The following DBI variants were observed in gnomAD, a reference collection of about 807,000 sequenced individuals.
The protein encoded by DBI is diazepam binding inhibitor, acyl-CoA binding protein.
A neutral mutation model predicts 13.0 loss-of-function variants in DBI; 12 were observed. The ratio of observed to expected loss-of-function variants is 0.92; its 90% CI spans 0.59 to 1.49. The LOEUF (loss-of-function observed/expected upper bound fraction) is 1.49. Among genes scored for constraint, DBI ranks in the 40% most tolerant of loss-of-function variants. The pLI is 0.00. For missense variants in DBI, 95 were observed against 104.8 expected (o/e 0.91, Z 0.41); for synonymous variants, 37 against 37.4 (o/e 0.99, Z 0.04).
Position 119,368,284 on chromosome 2 carries a change from A to G in DBI, c.106A>G (p.Thr36Ala), listed in dbSNP as rs1332665108. The G allele has an allele frequency of 1.9e-6, 3 of 1,613,868 alleles. No homozygotes were observed. The highest frequency in any genetic ancestry group is 2.5e-6 in the Non-Finnish European group (3 of 1,179,746). ...LFIYGHYKQA[T>A]VGDINTERPG... The stretch of plus-strand genomic sequence containing the variant: ...CATCTATGGCCACTACAAACAAGCA[A>G]CTGTGGGCGACATAAATACAGGTAT... The change falls in exon 2 of 4, where the codon ACT (threonine) becomes GCT (alanine). Residue 36 changes from threonine to alanine, a missense_variant. By Grantham distance (58) the Thr-to-Ala change is moderately conservative. Transcript: ENST00000355857.
chr2:119,367,499 G>T, intron 1 of DBI: 1 of 1,600,050 alleles, frequency 6.2e-7, no homozygotes, highest in Non-Finnish European at 8.6e-7. Context: ...CTCAGAGTGC[G>T]GGACGAGGAG....
chr2:119,369,254 G>A (rs1467040198), intron 2 of DBI, among the ~76,000 whole-genome samples: 1 of 152,218 alleles, frequency 6.6e-6, no homozygotes, highest in Admixed American at 6.5e-5. Flanking sequence ...GGCCAGAGGT[G>A]CCAAGATGCT....
chr2:119,367,812 G>A, intron 1 of DBI: 3 of 1,612,396 alleles, frequency 1.9e-6, no homozygotes, highest in Admixed American at 1.7e-5. Context: ...CCTAGTGCCT[G>A]GCCCGGTGGT....
At chr2:119,368,334 C>G in intron 2 of DBI, 29 bp downstream of exon 2, 1 of 1,546,334 alleles carries the variant, frequency 6.5e-7, no homozygotes, top group Non-Finnish European at 8.9e-7. Context: ...GGAAGGGCAT[C>G]TGCTCATCAA....
chr2:119,369,367 C>G (rs1681348296), intron 2 of DBI, among the ~76,000 whole-genome samples: 1 of 152,218 alleles, frequency 6.6e-6, no homozygotes. Flanking sequence ...CTATCACTTA[C>G]TGATCAAAGA....
At chr2:119,369,700 C>T (rs12466117) in intron 2 of DBI, among the ~76,000 whole-genome samples, 32,089 of 151,974 alleles carry the variant, frequency 0.21, 3,652 homozygotes, top group Middle Eastern at 0.27. Flanking sequence ...GCAGGAGAAT[C>T]GCTTGAACCT....
At chr2:119,370,669 G>A (rs1681445190) in intron 2 of DBI, 71 bp from the exon 3 acceptor site, 1 of 1,418,910 alleles carries the variant, frequency 7.0e-7, no homozygotes, top group Admixed American at 1.8e-5. Context: ...TGGCATTTAT[G>A]GCAAGAAGGT....
At chr2:119,367,715 C>T in intron 1 of DBI, 1 of 1,610,774 alleles carries the variant, frequency 6.2e-7, no homozygotes. Context: ...CACCGCGGCA[C>T]TCATGCCCTG....
At chr2:119,368,049 C>G in intron 1 of DBI, 139 bp from the exon 2 acceptor site, 3 of 1,529,102 alleles carry the variant, frequency 2.0e-6, no homozygotes, top group Non-Finnish European at 9.1e-7. Context: ...AGACACACTT[C>G]AGGGGCTGCA....
intron 1 of DBI, 110 bp from the exon 2 acceptor site, chr2:119,368,078 C>G: frequency 6.7e-7 from 1 of 1,488,042 alleles, no homozygotes; most frequent in Non-Finnish European, 9.4e-7. Flanking sequence ...AGGGTGCCAC[C>G]TTTCCCACCT....
In DBI at chr2:119,372,271, G is replaced by GT. The variant is rs1681572205; in HGVS notation, c.217_218insT (p.Ala73ValfsTer31). The GT allele has an allele frequency of 6.2e-7, 1 of 1,613,600 alleles. No individual in the cohort carries two copies. Among genetic ancestry groups the GT allele is most frequent in the African/African-American group, 1.3e-5 (1 of 74,910 alleles). ...GACTTCCAAGGAAGATGCCATGAAA[G>GT]CTTACATCAACAAAGTAGAAGAGCT... On this transcript the variant is annotated frameshift_variant, in exon 4 of 4. Coordinates refer to ENST00000355857, the MANE Select transcript of DBI (RefSeq NM_001079862.4). LOFTEE classifies it high-confidence loss of function.
chr2:119,367,655 A>G (rs569308238), intron 1 of DBI: 1 of 1,613,834 alleles, frequency 6.2e-7, no homozygotes, highest in South Asian at 1.1e-5. Flanking sequence ...GTCGGTGTTG[A>G]ACGCGCGGGC....
chr2:119,368,534 C>A (rs1681261625), intron 2 of DBI: 1 of 502,318 alleles, frequency 2.0e-6, no homozygotes, highest in African/African-American at 1.9e-5. Context: ...TTATCACCAG[C>A]AGCTACTCTC....
intron 3 of DBI, 152 bp downstream of exon 3, chr2:119,370,954 C>A: frequency 1.5e-6 from 1 of 651,242 alleles, no homozygotes; most frequent in Non-Finnish European, 2.6e-6. Context: ...AAAACCGGGC[C>A]ACCTACTTTT....
intron 3 of DBI, among the ~76,000 whole-genome samples, chr2:119,371,329 G>T (rs528509886): frequency 6.6e-5 from 10 of 152,164 alleles, no homozygotes; most frequent in Admixed American, 4.6e-4. Context: ...ACTTAATCAC[G>T]TGCCACCTGC....
In DBI at chr2:119,367,686, C is replaced by A. The variant is rs763008347; in HGVS notation, c.10-502C>A. On this transcript the variant is annotated intron_variant, in intron 1 of 3. Transcript: ENST00000355857. ...CGGGCCCCAGGGGGAGGGAGGGGAC[C>A]AACGGGCTCCGGCGCTGACACCGCG... The A allele has an allele frequency of 6.8e-6, 11 of 1,612,420 alleles. No homozygotes were observed. In the South Asian group the frequency reaches 9.9e-5, roughly 14 times the overall value.
chr2:119,368,182 A>C lies in DBI; in HGVS notation c.10-6A>C. ...CCCTCAATCCTCTCCTCTCCCTTCC[A>C]TTTAGGCTGAGTTTGAGAAAGCTGC... On this transcript the variant is annotated splice_polypyrimidine_tract_variant and splice_region_variant and intron_variant, in intron 1 of 3. Transcript: ENST00000355857. 1 of 1,612,218 alleles carries C rather than the reference A, an allele frequency of 6.2e-7. No homozygotes were observed. The highest frequency in any genetic ancestry group is 8.5e-7 in the Non-Finnish European group (1 of 1,179,074).
intron 2 of DBI, chr2:119,368,607 G>C: frequency 3.2e-6 from 1 of 316,068 alleles, no homozygotes; most frequent in East Asian, 6.4e-5. Context: ...CAGCTCAGTA[G>C]TATCATTGTT....
intron 3 of DBI, among the ~76,000 whole-genome samples, chr2:119,371,477 A>G (rs1385877333): frequency 3.3e-5 from 5 of 151,790 alleles, no homozygotes; most frequent in Non-Finnish European, 5.9e-5. Flanking sequence ...CAATAAACAC[A>G]CTCCTAGGAT....
Sources: allele counts gnomAD v4.1 joint callset (sites outside exome capture counted in the v4.1 genomes callset), GRCh38; gene constraint gnomAD v4.1.1; transcripts MANE v1.5; gene names NCBI Gene and HGNC (gene_info 2026-07-23, HGNC 2026-07-21).